Variants in CLINT1 observed in about 807,000 individuals in gnomAD.
CLINT1 encodes clathrin interactor 1.
A neutral mutation model predicts 70.4 loss-of-function variants in CLINT1; 15 were observed. That is an observed-to-expected ratio of 0.21 (90% CI 0.14 to 0.33). The LOEUF (loss-of-function observed/expected upper bound fraction) is 0.33. CLINT1 is among the 10% of genes least tolerant of loss of function. The pLI, the probability that CLINT1 is intolerant of heterozygous loss-of-function variation, is 1.00. For missense variants in CLINT1, 615 were observed against 778.1 expected, an observed-to-expected ratio of 0.79 and a Z score of 2.49; for synonymous variants, 227 against 254.7, an observed-to-expected ratio of 0.89 and a Z score of 1.04.
At chr5:157,796,439 T>C (rs915967926) in intron 8 of CLINT1, among the ~76,000 whole-genome samples, 2 of 152,232 alleles carry the variant, frequency 1.3e-5, no homozygotes, top group Admixed American at 1.3e-4. Flanking sequence ...GTCCTTATTT[T>C]TGTCTGTCCT....
intron 1 of CLINT1, among the ~76,000 whole-genome samples, chr5:157,854,705 G>T (rs900432735): frequency 6.6e-6 from 1 of 152,108 alleles, no homozygotes; most frequent in African/African-American, 2.4e-5. Context: ...AAACATTTAG[G>T]AACTAAAACC....
chr5:157,813,296 A>T (rs1581500267), intron 4 of CLINT1, 69 bp from the exon 5 acceptor site: 5 of 1,298,830 alleles, frequency 3.8e-6, no homozygotes, highest in East Asian at 5.2e-5. Context: ...CTTTAAGATT[A>T]AAAAAAAGAC....
chr5:157,829,840 G>A (rs1763168522), intron 1 of CLINT1, among the ~76,000 whole-genome samples: 1 of 151,458 alleles, frequency 6.6e-6, no homozygotes, highest in South Asian at 2.1e-4. Flanking sequence ...ACTGTGCCCC[G>A]CCAATATTAA....
chr5:157,826,219 G>A (rs1763032148), intron 1 of CLINT1, among the ~76,000 whole-genome samples: 1 of 152,104 alleles, frequency 6.6e-6, no homozygotes, highest in African/African-American at 2.4e-5. Flanking sequence ...TGTACAGACT[G>A]TTAACAATCT....
In CLINT1 at chr5:157,787,961, T is replaced by C. The variant is rs1225626318; in HGVS notation, c.1563A>G (p.Gln521=). The change falls in exon 12 of 12, where the codon CAA becomes CAG. Residue 521 remains glutamine, a synonymous_variant. Coordinates refer to ENST00000411809, the MANE Select transcript of CLINT1 (RefSeq NM_014666.4). ...NMQQPMNVMT[Q]SFGAVNLSSP... is the part of the protein sequence containing the mutation. ...AACTGAGGTTCACAGCTCCAAAACT[T>C]TGAGTCATCACATTCATAGGCTGCT... 4 of 1,611,036 alleles carry C rather than the reference T, an allele frequency of 2.5e-6. No individual in the cohort carries two copies. The highest frequency in any genetic ancestry group is 1.3e-5 in the African/African-American group (1 of 74,898).
At chr5:157,840,269 A>G (rs1210664691) in intron 1 of CLINT1, among the ~76,000 whole-genome samples, 1 of 151,560 alleles carries the variant, frequency 6.6e-6, no homozygotes, top group African/African-American at 2.4e-5. Flanking sequence ...AAAACAAAAA[A>G]CTGACTTGTA....
chr5:157,838,872 T>C (rs72814524), intron 1 of CLINT1, among the ~76,000 whole-genome samples: 19,920 of 152,244 alleles, frequency 0.13, 1,542 homozygotes, highest in Non-Finnish European at 0.19. Context: ...ACAAATAGCA[T>C]TGCTAGAAGT....
chr5:157,843,511 G>A (rs1189816447), intron 1 of CLINT1, among the ~76,000 whole-genome samples: 1 of 152,136 alleles, frequency 6.6e-6, no homozygotes, highest in Non-Finnish European at 1.5e-5. Flanking sequence ...TCTCTTAACA[G>A]ACCTGGAAGG....
At chr5:157,808,108 C>T (rs1432931) in intron 6 of CLINT1, among the ~76,000 whole-genome samples, 20,354 of 151,940 alleles carry the variant, frequency 0.13, 1,791 homozygotes, top group African/African-American at 0.25. Context: ...AAATACTAAA[C>T]ATTGGGAGGG....
intron 6 of CLINT1, 22 bp from the exon 7 acceptor site, chr5:157,806,134 G>C (rs1449641995): frequency 1.2e-6 from 2 of 1,609,178 alleles, no homozygotes; most frequent in Non-Finnish European, 1.7e-6. Flanking sequence ...TAAAAATGAA[G>C]CAAAATAATA....
intron 1 of CLINT1, among the ~76,000 whole-genome samples, chr5:157,846,887 C>G (rs749472925): frequency 3.1e-4 from 47 of 152,302 alleles, no homozygotes; most frequent in Non-Finnish European, 5.0e-4. Flanking sequence ...CTGTTTACAG[C>G]ATAGTTTACT....
chr5:157,848,051 C>T (rs565438789), intron 1 of CLINT1, among the ~76,000 whole-genome samples: 7 of 152,278 alleles, frequency 4.6e-5, no homozygotes, highest in Non-Finnish European at 7.4e-5. Context: ...AAGTGATCCA[C>T]GTGCCTTGAA....
rs1378920902 is a variant in CLINT1, at chr5:157,806,221, T to C, written c.696-109A>G. On this transcript the variant is annotated intron_variant, in intron 6 of 11. Transcript: ENST00000411809. ...CAAATACAGTAACTCCAAAATTTCATACTTTGACTACTTGACAGGGATCAA... is the reference window on the plus strand; with the variant it reads ...CAAATACAGTAACTCCAAAATTTCACACTTTGACTACTTGACAGGGATCAA... The C allele has an allele frequency of 6.7e-6, 7 of 1,041,546 alleles. No individual in the cohort carries two copies. The East Asian group carries it at 7.7e-5, about 12-fold the overall frequency. 64.5% of individuals were successfully genotyped at this position (1,041,546 alleles called of 1,614,324 possible).
chr5:157,826,720 T>C (rs1271822742), intron 1 of CLINT1, among the ~76,000 whole-genome samples: 1 of 152,206 alleles, frequency 6.6e-6, no homozygotes, highest in African/African-American at 2.4e-5. Flanking sequence ...CAGAAAAATC[T>C]ATCAAAAACT....
At chr5:157,812,740 GA>G in intron 5 of CLINT1, among the ~76,000 whole-genome samples, 2 of 152,258 alleles carry the variant, frequency 1.3e-5, no homozygotes, top group African/African-American at 4.8e-5. Flanking sequence ...CTGAGTTATA[GA>G]AACTTTCTTC....
chr5:157,836,430 A>C (rs1487507940), intron 1 of CLINT1, among the ~76,000 whole-genome samples: 1 of 152,220 alleles, frequency 6.6e-6, no homozygotes, highest in African/African-American at 2.4e-5. Flanking sequence ...GTTTATAATC[A>C]TGATTTCAGC....
At chr5:157,816,462 T>C (rs1762725225) in intron 3 of CLINT1, among the ~76,000 whole-genome samples, 1 of 152,180 alleles carries the variant, frequency 6.6e-6, no homozygotes, top group Non-Finnish European at 1.5e-5. Context: ...CTACTATAGA[T>C]TCATTATTTT....
chr5:157,788,688 C>T (rs1761801743), intron 11 of CLINT1, among the ~76,000 whole-genome samples: 1 of 152,102 alleles, frequency 6.6e-6, no homozygotes, highest in African/African-American at 2.4e-5. Context: ...TGGAAAGTGG[C>T]CAGGCGCGGT....
At chr5:157,849,910 T>C (rs1753512796) in intron 1 of CLINT1, among the ~76,000 whole-genome samples, 1 of 152,196 alleles carries the variant, frequency 6.6e-6, no homozygotes, top group African/African-American at 2.4e-5. Flanking sequence ...GAGTTAGTAA[T>C]ACAGCAGTAA....
Sources: gnomAD v4.1 joint callset for allele counts (sites outside exome capture counted in the v4.1 genomes callset) on GRCh38, gnomAD v4.1.1 for gene constraint, MANE v1.5 for transcripts, NCBI Gene and HGNC (gene_info 2026-07-23, HGNC 2026-07-21) for gene names.